DCAF6: variants seen among roughly 807,000 people sequenced by gnomAD.
DCAF6 encodes the protein DDB1 and CUL4 associated factor 6.
In DCAF6, 54 loss-of-function variants were observed where a neutral mutation model predicts 125.1. The observed-to-expected ratio is 0.43, with a 90% CI of 0.35 to 0.54. DCAF6 has a LOEUF of 0.54. DCAF6 is among the 20% of genes least tolerant of loss of function. The pLI is 0.01. For missense variants in DCAF6, 934 were observed against 1,161.7 expected (o/e 0.80, Z 2.85); for synonymous variants, 371 against 390.4 (o/e 0.95, Z 0.58).
At chr1:168,058,027 T>C (rs1471503855) in intron 17 of DCAF6, among the ~76,000 whole-genome samples, 1 of 152,122 alleles carries the variant, frequency 6.6e-6, no homozygotes, top group Non-Finnish European at 1.5e-5. Flanking sequence ...CATAAACATA[T>C]AAACATAAAG....
chr1:167,868,322 A>G, the DCAF6 span, among the ~76,000 whole-genome samples: 1 of 152,162 alleles, frequency 6.6e-6, no homozygotes, highest in South Asian at 2.1e-4. Flanking sequence ...GCCCAAAAGA[A>G]TCACCCTGAT....
chr1:168,019,040 ACTCT>A (rs1685335257), intron 11 of DCAF6, among the ~76,000 whole-genome samples: 1 of 150,992 alleles, frequency 6.6e-6, no homozygotes, highest in Admixed American at 6.6e-5. Context: ...ATGATAATGT[ACTCT>A]CTCTTTTTTT....
At chr1:167,953,904 T>C (rs1455525434) in intron 2 of DCAF6, among the ~76,000 whole-genome samples, 1 of 152,192 alleles carries the variant, frequency 6.6e-6, no homozygotes, top group Admixed American at 6.5e-5. Flanking sequence ...TGGCCCAACA[T>C]TTTTTTCAAG....
intron 1 of DCAF6, among the ~76,000 whole-genome samples, chr1:167,949,657 A>T (rs745586932): frequency 6.6e-6 from 1 of 152,072 alleles, no homozygotes; most frequent in Non-Finnish European, 1.5e-5. Context: ...TGAGTAGTAA[A>T]TTTTTTTGCC....
At chr1:167,904,082 C>CTTTTTTTTTTT in the DCAF6 span, 1 of 297,148 alleles carries the variant, frequency 3.4e-6, no homozygotes, top group Non-Finnish European at 5.9e-6. Context: ...CGGGCCTCAG[C>CTTTTTTTTTTT]TTTTTTTTTT....
chr1:167,912,763 C>T, the DCAF6 span, among the ~76,000 whole-genome samples: 4 of 152,204 alleles, frequency 2.6e-5, no homozygotes, highest in East Asian at 5.8e-4. Context: ...GGGATGAGGA[C>T]TAAGAACCTT....
At chr1:167,998,842 A>G (rs150942455) in intron 7 of DCAF6, 105 of 152,778 alleles carry the variant, frequency 6.9e-4, no homozygotes, top group African/African-American at 2.4e-3. Flanking sequence ...GACTTCCTCT[A>G]CTGAAGTCTT....
At chr1:167,935,963 A>G, upstream of DCAF6, 1 of 739,158 alleles carries the variant, frequency 1.4e-6, no homozygotes, top group Non-Finnish European at 2.3e-6. Context: ...TCTCGCCTGG[A>G]GTACCCTTCC....
chr1:168,034,157 A>G (rs1687509294), intron 12 of DCAF6, among the ~76,000 whole-genome samples: 1 of 152,220 alleles, frequency 6.6e-6, no homozygotes, highest in East Asian at 1.9e-4. Context: ...TATCTAAGTA[A>G]TCTTATTTTT....
At chr1:167,978,629 T>G (rs1373715661) in intron 4 of DCAF6, among the ~76,000 whole-genome samples, 1 of 152,166 alleles carries the variant, frequency 6.6e-6, no homozygotes, top group Admixed American at 6.5e-5. Flanking sequence ...TGAGCCTATC[T>G]TTTCCTATTC....
chr1:168,036,093 A>C (rs1482790126), intron 12 of DCAF6, among the ~76,000 whole-genome samples: 1 of 152,102 alleles, frequency 6.6e-6, no homozygotes. Flanking sequence ...AAACAAAAAA[A>C]CTTTGTAGTA....
chr1:167,920,068 T>C, the DCAF6 span: 1 of 1,612,192 alleles, frequency 6.2e-7, no homozygotes, highest in Non-Finnish European at 8.5e-7. Flanking sequence ...TAATTACAAG[T>C]GAGTATCTTG....
chr1:167,865,132 T>C, the DCAF6 span, among the ~76,000 whole-genome samples: 1 of 152,286 alleles, frequency 6.6e-6, no homozygotes, highest in East Asian at 1.9e-4. Context: ...TGAGTACTAT[T>C]GAAGAAACAG....
the DCAF6 span, among the ~76,000 whole-genome samples, chr1:167,925,842 C>T: frequency 1.2e-4 from 19 of 152,198 alleles, no homozygotes; most frequent in African/African-American, 4.3e-4. Flanking sequence ...CCACCGTGCC[C>T]GGCCACAAAT....
Position 168,045,215 on chromosome 1 carries a change from G to T in DCAF6, c.2246G>T (p.Gly749Val), listed in dbSNP as rs772431302. The change falls in exon 16 of 22, where the codon GGA (glycine) becomes GTA (valine). Residue 749 changes from glycine to valine, a missense_variant. Physicochemically the swap from Gly to Val is moderately radical, Grantham distance 109 (BLOSUM62 -3). Coordinates refer to ENST00000367840, the MANE Select transcript of DCAF6 (RefSeq NM_001198956.2). ...ATCCCAGGTGCAAGGTATCGAGCAGGACCTGGTGATAGGTTGGTAAATTTT... is the reference window on the plus strand; with the variant it reads ...ATCCCAGGTGCAAGGTATCGAGCAGTACCTGGTGATAGGTTGGTAAATTTT... ...VLIPGARYRA[G>V]PGDRFNIRGT... 1 of 1,601,546 alleles carries T rather than the reference G, an allele frequency of 6.2e-7. No homozygotes were observed. Among genetic ancestry groups the T allele is most frequent in the Non-Finnish European group, 8.5e-7 (1 of 1,174,732 alleles).
At chr1:168,010,300 G>A (rs1381301471) in intron 10 of DCAF6, among the ~76,000 whole-genome samples, 1 of 152,064 alleles carries the variant, frequency 6.6e-6, no homozygotes, top group Non-Finnish European at 1.5e-5. Flanking sequence ...TTTCACTCAT[G>A]TATATATGGG....
the DCAF6 span, among the ~76,000 whole-genome samples, chr1:167,878,042 T>C: frequency 6.6e-6 from 1 of 152,218 alleles, no homozygotes; most frequent in African/African-American, 2.4e-5. Flanking sequence ...TGTATTTCAC[T>C]AAAGACTTAG....
At chr1:167,954,126 C>T (rs1674396642) in intron 2 of DCAF6, among the ~76,000 whole-genome samples, 1 of 152,060 alleles carries the variant, frequency 6.6e-6, no homozygotes, top group African/African-American at 2.4e-5. Context: ...TGTGCCTCAG[C>T]CTCCTGAGAA....
chr1:168,038,513 G>A (rs775335391), intron 13 of DCAF6, 25 bp downstream of exon 13: 1 of 1,472,428 alleles, frequency 6.8e-7, no homozygotes, highest in Admixed American at 2.1e-5. Flanking sequence ...TTGTAAAGAT[G>A]TTCTTAGCCA....
Sources: gnomAD v4.1 joint callset for allele counts (sites outside exome capture counted in the v4.1 genomes callset) on GRCh38, gnomAD v4.1.1 for gene constraint, MANE v1.5 for transcripts, NCBI Gene and HGNC (gene_info 2026-07-23, HGNC 2026-07-21) for gene names.